Variants in CRYL1 observed in about 807,000 individuals in gnomAD.
CRYL1 encodes the protein crystallin lambda 1, also known as lambda-crystallin homolog.
In CRYL1, 29 loss-of-function variants were observed where a neutral mutation model predicts 36.6. The ratio of observed to expected loss-of-function variants is 0.79; its 90% CI spans 0.59 to 1.08. CRYL1 has a LOEUF of 1.08. CRYL1 is among the 50% of genes least tolerant of loss of function. CRYL1 has a pLI of 0.00. For synonymous variants in CRYL1, 152 were observed against 151.5 expected, an observed-to-expected ratio of 1.00 and a Z score of -0.02; for missense variants, 411 against 407.9, an observed-to-expected ratio of 1.01 and a Z score of -0.06.
At chr13:20,489,685 A>G (rs1227733631) in intron 2 of CRYL1, among the ~76,000 whole-genome samples, 189 bp from the exon 3 acceptor site, 1 of 152,230 alleles carries the variant, frequency 6.6e-6, no homozygotes, top group Non-Finnish European at 1.5e-5. Context: ...AACTGGAACC[A>G]TTGTGCACTG....
chr13:20,466,598 C>T (rs375848214), intron 3 of CRYL1, among the ~76,000 whole-genome samples: 1 of 151,982 alleles, frequency 6.6e-6, no homozygotes, highest in East Asian at 1.9e-4. Context: ...GTTATCATTG[C>T]ATACATATCA....
intron 3 of CRYL1, among the ~76,000 whole-genome samples, chr13:20,487,503 A>G (rs952452145): frequency 6.6e-6 from 1 of 152,224 alleles, no homozygotes; most frequent in Non-Finnish European, 1.5e-5. Flanking sequence ...GAAGTTGGAG[A>G]TATCAGCCCA....
At chr13:20,404,833 C>T in intron 6 of CRYL1, 92 bp from the exon 7 acceptor site, 1 of 886,812 alleles carries the variant, frequency 1.1e-6, no homozygotes, top group Non-Finnish European at 1.9e-6. Flanking sequence ...GAGTTTCACC[C>T]TGGGGTCAGA....
rs188553122 is a variant in CRYL1 at position 20,516,280 on chromosome 13, A to T, written c.42-3730T>A. On this transcript the variant is annotated intron_variant, in intron 1 of 7. Transcript: ENST00000298248. Reference sequence around the variant, plus strand: ...TTAAAAGTTTAAAAAATATTTTTTTAAAAAAATGAACACTAACTTACCCTG... The same window carrying T: ...TTAAAAGTTTAAAAAATATTTTTTTTAAAAAATGAACACTAACTTACCCTG... Among the ~76,000 whole-genome samples the T allele has an allele frequency of 1.8e-4, 27 of 151,020 alleles. No homozygotes were observed. In the East Asian group the frequency reaches 1.9e-3, roughly 11 times the overall value.
At chr13:20,518,252 A>G (rs1186311232) in intron 1 of CRYL1, among the ~76,000 whole-genome samples, 1 of 152,186 alleles carries the variant, frequency 6.6e-6, no homozygotes, top group Non-Finnish European at 1.5e-5. Context: ...CAAACTAAAT[A>G]AGCAAAAGCA....
chr13:20,478,747 G>A (rs1565977815), intron 3 of CRYL1, among the ~76,000 whole-genome samples: 1 of 151,930 alleles, frequency 6.6e-6, no homozygotes, highest in Admixed American at 6.6e-5. Context: ...CATGTTCTGG[G>A]ATCACAGGCA....
chr13:20,422,541 G>A (rs7327925), intron 5 of CRYL1, among the ~76,000 whole-genome samples: 106,482 of 152,034 alleles, frequency 0.7, 38,365 homozygotes, highest in Admixed American at 0.82. Flanking sequence ...GGCTGGGGTC[G>A]CCCAGCAAGT....
chr13:20,494,103 C>G (rs150218607), intron 2 of CRYL1, among the ~76,000 whole-genome samples: 11 of 152,158 alleles, frequency 7.2e-5, no homozygotes, highest in African/African-American at 2.7e-4. Context: ...ATAAGTTTGA[C>G]CTGCAGCAGT....
intron 2 of CRYL1, among the ~76,000 whole-genome samples, chr13:20,504,868 C>A (rs999513755): frequency 6.6e-6 from 1 of 152,072 alleles, no homozygotes; most frequent in Non-Finnish European, 1.5e-5. Flanking sequence ...TTTCTTTTAT[C>A]TTCTAATGTT....
chr13:20,456,893 A>G (rs1008432448), intron 3 of CRYL1, among the ~76,000 whole-genome samples: 1 of 152,212 alleles, frequency 6.6e-6, no homozygotes, highest in Non-Finnish European at 1.5e-5. Flanking sequence ...AGTCATCAGT[A>G]CTTTGCCTCT....
chr13:20,425,943 G>C lies in CRYL1; in HGVS notation c.633+6159C>G, dbSNP rs1354421838. On this transcript the variant is annotated intron_variant, in intron 5 of 7. Transcript: ENST00000298248. This position sits in a 1 kb window ranked among gnomAD's most constrained non-coding sequence, Gnocchi z 4.4. ...CAGCTACAATCAGCTATACGGGAGT[G>C]CTGTTTCTGGGTGTCCCTCCTGAGG... 6.6e-6 allele frequency among the ~76,000 whole-genome samples: 1 copy of C among 152,152 alleles called. No homozygotes were observed. The highest frequency in any genetic ancestry group is 2.4e-5 in the African/African-American group (1 of 41,416).
At chr13:20,427,434 A>G in intron 5 of CRYL1, 2 of 344,086 alleles carry the variant, frequency 5.8e-6, no homozygotes, top group Non-Finnish European at 8.2e-6. Flanking sequence ...GCTGCAAGGG[A>G]ACAGAGAGAG....
At chr13:20,507,714 C>A (rs183089586) in intron 2 of CRYL1, among the ~76,000 whole-genome samples, 33 of 151,872 alleles carry the variant, frequency 2.2e-4, no homozygotes, top group South Asian at 4.2e-4. Flanking sequence ...GTCAGGAGAT[C>A]GAGACCATCC....
At position 20,404,118 on chromosome 13, in the gene CRYL1, T is replaced by C; in HGVS notation, c.*11A>G. On this transcript the variant is annotated 3_prime_UTR_variant, in exon 8 of 8. Coordinates refer to ENST00000298248, the MANE Select transcript of CRYL1 (RefSeq NM_015974.3). ...TCCAATGAGAGGAGTGGAAGCTGCA[T>C]TACAAGAAATTCACTGGGGCTGCAC... The C allele has an allele frequency of 6.3e-7, 1 of 1,595,132 alleles. No individual in the cohort carries two copies. Among genetic ancestry groups the C allele is most frequent in the Non-Finnish European group, 8.6e-7 (1 of 1,162,824 alleles).
intron 3 of CRYL1, among the ~76,000 whole-genome samples, chr13:20,479,906 G>A (rs1420473222): frequency 6.6e-6 from 1 of 152,098 alleles, no homozygotes; most frequent in Non-Finnish European, 1.5e-5. Flanking sequence ...GCTCTCCCAC[G>A]GCACACAGTT....
Position 20,503,614 on chromosome 13 carries a change from G to A in CRYL1, c.149+8829C>T, listed in dbSNP as rs562137079. On this transcript the variant is annotated intron_variant, in intron 2 of 7. Transcript: ENST00000298248. Reference sequence around the variant, plus strand: ...ATAACCGACTGGCCGATGCAAGCCCGTGGCTAAGCCCAGAGTAAGGGGGTG... The same window carrying A: ...ATAACCGACTGGCCGATGCAAGCCCATGGCTAAGCCCAGAGTAAGGGGGTG... 1.8e-4 allele frequency among the ~76,000 whole-genome samples: 27 copies of A among 152,324 alleles called. 1 individual carries two copies. In the South Asian group the frequency reaches 3.1e-3, roughly 18 times the overall value.
chr13:20,445,055 C>T (rs1472618272), intron 3 of CRYL1, among the ~76,000 whole-genome samples: 1 of 151,958 alleles, frequency 6.6e-6, no homozygotes, highest in Non-Finnish European at 1.5e-5. Flanking sequence ...TAGCACGAAA[C>T]ATAAAATTGG....
Position 20,403,935 on chromosome 13 carries a change from C to T in CRYL1, c.*194G>A, listed in dbSNP as rs1048085474. The stretch of plus-strand genomic sequence containing the variant: ...CCCGAGAACGCAAGTGCTGCTGTGC[C>T]GCCAGGCCCAGGGCTATGATCCAAA... On this transcript the variant is annotated 3_prime_UTR_variant, in exon 8 of 8. Coordinates refer to ENST00000298248, the MANE Select transcript of CRYL1 (RefSeq NM_015974.3). 13 of 424,484 alleles carry T rather than the reference C, an allele frequency of 3.1e-5. No individual in the cohort carries two copies. The South Asian group carries it at 5.7e-4, about 18-fold the overall frequency. 26.3% of individuals were successfully genotyped at this position (424,484 alleles called of 1,614,324 possible). A position where few individuals can be genotyped will look rare whatever the true frequency, so the allele number is the denominator to read the frequency against.
At chr13:20,413,235 A>G in intron 6 of CRYL1, 47 bp downstream of exon 6, 2 of 1,330,656 alleles carry the variant, frequency 1.5e-6, no homozygotes, top group Non-Finnish European at 2.1e-6. Flanking sequence ...AAAACCCATG[A>G]CAACACTAAA....
Sources: gnomAD v4.1 joint callset for allele counts (sites outside exome capture counted in the v4.1 genomes callset) on GRCh38, gnomAD v4.1.1 for gene constraint, Gnocchi (gnomAD v3.1) non-coding constraint, MANE v1.5 for transcripts, NCBI Gene and HGNC (gene_info 2026-07-23, HGNC 2026-07-21) for gene names.